The following CPNE4 variants were observed in gnomAD, a reference collection of about 807,000 sequenced individuals.
The protein encoded by CPNE4 is copine 4.
A neutral mutation model predicts 67.9 loss-of-function variants in CPNE4; 25 were observed. The observed-to-expected ratio is 0.37, with a 90% CI of 0.27 to 0.51. CPNE4 has a LOEUF of 0.51. Ranked by LOEUF, CPNE4 falls within the 20% of genes least tolerant of loss-of-function variation. The pLI is 0.93. For missense variants in CPNE4, 464 were observed against 690.8 expected, an observed-to-expected ratio of 0.67 and a Z score of 3.68; for synonymous variants, 242 against 244.9, an observed-to-expected ratio of 0.99 and a Z score of 0.11.
chr3:131,713,947 G>A (rs958152756), intron 3 of CPNE4, among the ~76,000 whole-genome samples: 4 of 151,982 alleles, frequency 2.6e-5, no homozygotes, highest in Non-Finnish European at 4.4e-5. Context: ...GTCCACGGGA[G>A]CTGAGATGAT....
intron 8 of CPNE4, 72 bp from the exon 9 acceptor site, chr3:131,581,737 G>A (rs1283614917): frequency 9.3e-7 from 1 of 1,074,312 alleles, no homozygotes; most frequent in African/African-American, 1.6e-5. Context: ...CAAGCTCCTA[G>A]GTGCTGCTGA....
chr3:131,837,908 CATAAT>C (rs1217830523), intron 2 of CPNE4, among the ~76,000 whole-genome samples: 1 of 151,868 alleles, frequency 6.6e-6, no homozygotes, highest in Non-Finnish European at 1.5e-5. Flanking sequence ...GTATCATATA[CATAAT>C]ATTAAATTCA....
chr3:131,931,800 ATTACT>A (rs1225556923), intron 1 of CPNE4, among the ~76,000 whole-genome samples: 1 of 152,172 alleles, frequency 6.6e-6, no homozygotes, highest in Non-Finnish European at 1.5e-5. Context: ...CCTTGGAGAA[ATTACT>A]TTACTTCTAT....
In CPNE4 at chr3:131,968,277, C is replaced by G. The variant is rs537839617; in HGVS notation, c.-1-62833G>C. 3.3e-5 allele frequency among the ~76,000 whole-genome samples: 5 copies of G among 152,248 alleles called. No individual in the cohort carries two copies. The South Asian group carries it at 1.0e-3, about 32-fold the overall frequency. On this transcript the variant is annotated intron_variant, in intron 1 of 15. Coordinates refer to ENST00000429747, the MANE Select transcript of CPNE4 (RefSeq NM_130808.3). ...ACCCTAGAAGATATCCTAGGCACTA[C>G]CATTCAAGACATAGGCATGGGCAAA...
Position 131,604,354 on chromosome 3 carries a change from G to A in CPNE4, c.682-16772C>T, listed in dbSNP as rs376901913. Among the ~76,000 whole-genome samples, 10 of 152,272 alleles carry A rather than the reference G, an allele frequency of 6.6e-5. No homozygotes were observed. The East Asian group carries it at 1.5e-3, about 24-fold the overall frequency. ...ATTCCAGTTGCATGATGAGACCTGA[G>A]TAAATGCCTTTTGATTGACTGATTA... On this transcript the variant is annotated intron_variant, in intron 7 of 15. Transcript: ENST00000429747.
At chr3:131,789,720 A>C (rs2083664690) in intron 2 of CPNE4, among the ~76,000 whole-genome samples, 1 of 152,186 alleles carries the variant, frequency 6.6e-6, no homozygotes, top group Admixed American at 6.5e-5. Context: ...TACTAGGCTA[A>C]GTCCTGTGTT....
chr3:131,590,130 C>T (rs1353653205), intron 7 of CPNE4, among the ~76,000 whole-genome samples: 3 of 152,130 alleles, frequency 2.0e-5, no homozygotes, highest in Non-Finnish European at 4.4e-5. Context: ...GCCCTTCTTC[C>T]ATTAACCCCA....
chr3:131,792,737 G>T (rs13094794), intron 2 of CPNE4, among the ~76,000 whole-genome samples: 1 of 118,084 alleles, frequency 8.5e-6, no homozygotes, highest in African/African-American at 2.9e-5. Context: ...ATACACGTGT[G>T]TATATATGTA....
chr3:131,625,717 T>C (rs1359412356), intron 7 of CPNE4, among the ~76,000 whole-genome samples: 1 of 152,188 alleles, frequency 6.6e-6, no homozygotes, highest in African/African-American at 2.4e-5. Flanking sequence ...TTTATATATA[T>C]CTATAAAGGT....
chr3:131,875,251 T>C (rs2087390501), intron 2 of CPNE4, among the ~76,000 whole-genome samples: 1 of 152,160 alleles, frequency 6.6e-6, no homozygotes, highest in African/African-American at 2.4e-5. Context: ...TTTCAACCAT[T>C]GTGGAAGTCA....
intron 2 of CPNE4, among the ~76,000 whole-genome samples, chr3:131,809,397 T>G (rs2084440891): frequency 6.6e-6 from 1 of 152,144 alleles, no homozygotes; most frequent in Admixed American, 6.6e-5. Flanking sequence ...TTTTAGCCAG[T>G]GAGATCTGTC....
chr3:131,737,006 A>T (rs908105761), intron 2 of CPNE4, among the ~76,000 whole-genome samples: 1 of 151,488 alleles, frequency 6.6e-6, no homozygotes, highest in Non-Finnish European at 1.5e-5. Context: ...TAATTTCTTT[A>T]TTAGAAGAGC....
At chr3:131,964,208 C>T (rs183850719) in intron 1 of CPNE4, among the ~76,000 whole-genome samples, 36 of 152,242 alleles carry the variant, frequency 2.4e-4, no homozygotes, top group Admixed American at 2.0e-3. Context: ...TCAAAAACCC[C>T]ATCCAAAGGC....
chr3:131,809,252 T>C (rs903124113), intron 2 of CPNE4, among the ~76,000 whole-genome samples: 2 of 151,988 alleles, frequency 1.3e-5, no homozygotes, highest in African/African-American at 4.8e-5. Flanking sequence ...ACCCAACCCA[T>C]CATTACTGGT....
At chr3:131,666,971 T>A (rs973734967) in intron 7 of CPNE4, among the ~76,000 whole-genome samples, 3 of 152,180 alleles carry the variant, frequency 2.0e-5, no homozygotes, top group African/African-American at 7.2e-5. Flanking sequence ...TTGGTGGCAT[T>A]AAGGAAGTAT....
chr3:131,921,017 C>T (rs1242256447), intron 1 of CPNE4, among the ~76,000 whole-genome samples: 1 of 152,172 alleles, frequency 6.6e-6, no homozygotes, highest in African/African-American at 2.4e-5. Context: ...TTGAGCAGAA[C>T]AAAGGCCTCC....
chr3:131,953,534 A>G (rs1210565011), intron 1 of CPNE4, among the ~76,000 whole-genome samples: 1 of 152,184 alleles, frequency 6.6e-6, no homozygotes, highest in Non-Finnish European at 1.5e-5. Flanking sequence ...TAACTTGCAT[A>G]TGTTAAACCA....
chr3:131,571,856 C>A (rs1937354144), intron 10 of CPNE4, among the ~76,000 whole-genome samples: 2 of 152,050 alleles, frequency 1.3e-5, no homozygotes, highest in Admixed American at 1.3e-4. Flanking sequence ...CCCCAAACTG[C>A]TTCCCCAATA....
At chr3:131,620,582 GAACTT>G in intron 7 of CPNE4, 1 of 413,842 alleles carries the variant, frequency 2.4e-6, no homozygotes, top group Non-Finnish European at 3.3e-6. Flanking sequence ...ATAGCAAAAA[GAACTT>G]AACAAATGTA....
Sources: allele counts gnomAD v4.1 joint callset (sites outside exome capture counted in the v4.1 genomes callset), GRCh38; gene constraint gnomAD v4.1.1; transcripts MANE v1.5; gene names NCBI Gene and HGNC (gene_info 2026-07-23, HGNC 2026-07-21).